Variants in BRINP1 observed in about 807,000 individuals in gnomAD.
BRINP1 encodes BMP/retinoic acid inducible neural specific 1.
In BRINP1, 17 loss-of-function variants were observed where a neutral mutation model predicts 72.9. The ratio of observed to expected loss-of-function variants is 0.23; its 90% CI spans 0.16 to 0.35. The LOEUF is 0.35. Ranked by LOEUF, BRINP1 falls within the 10% of genes least tolerant of loss-of-function variation. The pLI is 1.00. For missense variants in BRINP1, 850 were observed against 1,001.6 expected, an observed-to-expected ratio of 0.85 and a Z score of 2.04; for synonymous variants, 418 against 378.5, an observed-to-expected ratio of 1.10 and a Z score of -1.21.
intron 5 of BRINP1, among the ~76,000 whole-genome samples, chr9:119,230,978 A>G (rs926938664): frequency 6.6e-6 from 1 of 152,020 alleles, no homozygotes; most frequent in Non-Finnish European, 1.5e-5. Context: ...GGAATAAGCT[A>G]ATGACCTCAC....
chr9:119,265,262 C>G (rs1830536050), intron 2 of BRINP1, among the ~76,000 whole-genome samples: 1 of 152,066 alleles, frequency 6.6e-6, no homozygotes, highest in South Asian at 2.1e-4. Context: ...AAAGTGGTAG[C>G]TTGTTTGGGA....
At chr9:119,313,890 A>G (rs1027293903) in intron 1 of BRINP1, among the ~76,000 whole-genome samples, 1 of 152,256 alleles carries the variant, frequency 6.6e-6, no homozygotes, top group African/African-American at 2.4e-5. Flanking sequence ...CCTGCCTCTC[A>G]TAAAGAGGTA....
intron 1 of BRINP1, among the ~76,000 whole-genome samples, chr9:119,346,798 A>G (rs370294726): frequency 6.6e-6 from 1 of 152,232 alleles, no homozygotes; most frequent in African/African-American, 2.4e-5. Flanking sequence ...AAATGCTACC[A>G]AAACATACTT....
chr9:119,202,617 C>T (rs908069002), intron 7 of BRINP1, among the ~76,000 whole-genome samples: 1 of 152,178 alleles, frequency 6.6e-6, no homozygotes, highest in African/African-American at 2.4e-5. Flanking sequence ...CCACAGGAAT[C>T]TTACTGTGGG....
intron 2 of BRINP1, among the ~76,000 whole-genome samples, chr9:119,294,832 A>G (rs1035357567): frequency 1.3e-4 from 19 of 145,822 alleles, no homozygotes; most frequent in Admixed American, 1.3e-3. Context: ...CTCTAGCCTG[A>G]GCAACAGAGT....
chr9:119,191,668 T>G (rs1327983775), intron 7 of BRINP1, among the ~76,000 whole-genome samples: 2 of 151,992 alleles, frequency 1.3e-5, no homozygotes, highest in East Asian at 3.9e-4. Flanking sequence ...AAATTAATAT[T>G]ATCAACATAT....
intron 2 of BRINP1, among the ~76,000 whole-genome samples, chr9:119,255,839 C>T (rs1830440666): frequency 6.6e-6 from 1 of 151,644 alleles, no homozygotes; most frequent in Admixed American, 6.6e-5. Context: ...CCTGTAGTCC[C>T]AGCTACTCAG....
At chr9:119,213,001 C>A (rs561155736) in intron 6 of BRINP1, among the ~76,000 whole-genome samples, 31 of 151,858 alleles carry the variant, frequency 2.0e-4, no homozygotes, top group African/African-American at 7.0e-4. Context: ...CATATCTGCA[C>A]ATTTCCAGTT....
intron 2 of BRINP1, among the ~76,000 whole-genome samples, chr9:119,272,273 G>C (rs1369976798): frequency 6.6e-6 from 1 of 151,906 alleles, no homozygotes; most frequent in Non-Finnish European, 1.5e-5. Context: ...AGTAGAGATG[G>C]GGTTTCACCA....
chr9:119,240,866 T>C (rs1055448330), intron 4 of BRINP1, among the ~76,000 whole-genome samples: 1 of 152,180 alleles, frequency 6.6e-6, no homozygotes, highest in African/African-American at 2.4e-5. Context: ...AAAGTCTTAA[T>C]ATAAGGCTAG....
chr9:119,368,504 C>T lies in BRINP1; in HGVS notation c.-51+552G>A, dbSNP rs950789982. On this transcript the variant is annotated intron_variant, in intron 1 of 7. Coordinates refer to ENST00000265922, the MANE Select transcript of BRINP1 (RefSeq NM_014618.3). This position sits in a 1 kb window ranked among gnomAD's most constrained non-coding sequence, Gnocchi z 4.7. Reference sequence around the variant, plus strand: ...CCATAATCCTCCCCAAACCCCAAGCCCAGAGCCCCAAGAGGAAGTCCACAG... The same window carrying T: ...CCATAATCCTCCCCAAACCCCAAGCTCAGAGCCCCAAGAGGAAGTCCACAG... 2.6e-5 allele frequency among the ~76,000 whole-genome samples: 4 copies of T among 152,052 alleles called. No individual in the cohort carries two copies. Among genetic ancestry groups the T allele is most frequent in the Non-Finnish European group, 5.9e-5 (4 of 68,014 alleles).
rs749693859 is a variant in BRINP1, at chr9:119,167,919, T to C, written c.1451A>G (p.Gln484Arg). ...FISFETDLDF[Q>R]DLELKYLLQK... ...CAGCAGGTACTTCAGCTCCAGGTCCTGGAAGTCCAGGTCAGTCTCAAAGCT... is the reference window on the plus strand; with the variant it reads ...CAGCAGGTACTTCAGCTCCAGGTCCCGGAAGTCCAGGTCAGTCTCAAAGCT... The change falls in exon 8 of 8, where the codon CAG (glutamine) becomes CGG (arginine). Residue 484 changes from glutamine to arginine, a missense_variant. Physicochemically the swap from Gln to Arg is conservative, Grantham distance 43 (BLOSUM62 1). Transcript: ENST00000265922. This position sits in a 1 kb window ranked among gnomAD's most constrained non-coding sequence, Gnocchi z 4.3. The C allele has an allele frequency of 2.5e-6, 4 of 1,614,228 alleles. No individual in the cohort carries two copies. In the South Asian group the frequency reaches 3.3e-5, roughly 13 times the overall value.
intron 2 of BRINP1, among the ~76,000 whole-genome samples, chr9:119,267,027 T>G (rs568810514): frequency 1.3e-5 from 2 of 152,316 alleles, no homozygotes; most frequent in East Asian, 3.9e-4. Context: ...GTCACTGCAG[T>G]GATCCAGATA....
chr9:119,221,020 G>T (rs1384622673), intron 5 of BRINP1, among the ~76,000 whole-genome samples: 1 of 152,094 alleles, frequency 6.6e-6, no homozygotes, highest in Non-Finnish European at 1.5e-5. Flanking sequence ...ATTTTTGATG[G>T]ATTTGCTCTT....
intron 1 of BRINP1, among the ~76,000 whole-genome samples, chr9:119,325,826 A>G (rs1351070365): frequency 6.6e-6 from 1 of 151,992 alleles, no homozygotes; most frequent in Admixed American, 6.6e-5. Context: ...TCCTTTTCCT[A>G]CTTCCATGCT....
intron 1 of BRINP1, among the ~76,000 whole-genome samples, chr9:119,366,415 G>C (rs1054683793): frequency 3.3e-5 from 5 of 151,524 alleles, no homozygotes; most frequent in Non-Finnish European, 5.9e-5. Flanking sequence ...CTCAGTACTG[G>C]GTCCTTGCTT....
chr9:119,213,828 C>T (rs1829952280), intron 6 of BRINP1, 91 bp downstream of exon 6: 3 of 1,149,694 alleles, frequency 2.6e-6, no homozygotes, highest in East Asian at 4.7e-5. Context: ...CTGAACTTTC[C>T]CTTGCAGCAG....
intron 7 of BRINP1, among the ~76,000 whole-genome samples, chr9:119,203,812 C>T (rs1453637019): frequency 6.6e-6 from 1 of 152,008 alleles, no homozygotes; most frequent in African/African-American, 2.4e-5. Flanking sequence ...TCTTATGTTC[C>T]CTATATCTGA....
At chr9:119,223,379 G>T (rs1013991728) in intron 5 of BRINP1, among the ~76,000 whole-genome samples, 6 of 151,972 alleles carry the variant, frequency 3.9e-5, no homozygotes, top group Non-Finnish European at 1.5e-5. Context: ...TTAGTACAGG[G>T]TAGTTGTTTA....
Sources: allele counts gnomAD v4.1 joint callset (sites outside exome capture counted in the v4.1 genomes callset), GRCh38; gene constraint gnomAD v4.1.1; non-coding constraint Gnocchi (gnomAD v3.1); transcripts MANE v1.5; gene names NCBI Gene and HGNC (gene_info 2026-07-23, HGNC 2026-07-21).